Variants in ATG5 observed in about 807,000 individuals in gnomAD.
The protein encoded by ATG5 is autophagy protein 5.
In ATG5, 14 loss-of-function variants were observed where a neutral mutation model predicts 36.5. That is an observed-to-expected ratio of 0.38 (90% CI 0.25 to 0.60). ATG5 has a LOEUF of 0.60. Ranked by LOEUF, ATG5 falls within the 20% of genes least tolerant of loss-of-function variation. The probability of loss-of-function intolerance (pLI) is 0.60; values close to 1 mark genes in which losing one functional copy is unlikely to be tolerated. For missense variants in ATG5, 195 were observed against 326.7 expected (o/e 0.60, Z 3.11); for synonymous variants, 95 against 101.5 (o/e 0.94, Z 0.38).
chr6:106,276,768 ATCC>A (rs1046246259), intron 5 of ATG5, among the ~76,000 whole-genome samples: 1 of 152,142 alleles, frequency 6.6e-6, no homozygotes, highest in African/African-American at 2.4e-5. Flanking sequence ...TCTTTACACG[ATCC>A]TCATCTTTTT....
chr6:106,265,042 C>G (rs566146544), intron 5 of ATG5, among the ~76,000 whole-genome samples: 25 of 152,064 alleles, frequency 1.6e-4, no homozygotes, highest in African/African-American at 5.5e-4. Context: ...AAGACACAGA[C>G]TGGCAAACTG....
chr6:106,259,302 G>C (rs1053362666), intron 5 of ATG5, among the ~76,000 whole-genome samples: 1 of 152,072 alleles, frequency 6.6e-6, no homozygotes, highest in Non-Finnish European at 1.5e-5. Flanking sequence ...TTAGGGATAC[G>C]TGATATACAT....
rs1363090913 is a variant in ATG5, at chr6:106,206,037, CA to C, written c.574-3949del. On this transcript the variant is annotated intron_variant, in intron 6 of 7. Transcript: ENST00000369076. ...TAAGTACCTAAGTCAATCAGGACGA[CA>C]AAAAAATACTCAATTTGGGGAGTTA... Among the ~76,000 whole-genome samples the C allele has an allele frequency of 5.3e-5, 8 of 152,166 alleles. No individual in the cohort carries two copies. The East Asian group carries it at 1.4e-3, about 26-fold the overall frequency.
At chr6:106,296,547 G>A (rs982600954) in intron 3 of ATG5, among the ~76,000 whole-genome samples, 9 of 152,200 alleles carry the variant, frequency 5.9e-5, no homozygotes, top group Non-Finnish European at 1.2e-4. Context: ...GCTGGGCGTG[G>A]TGGCTCACGC....
At chr6:106,293,212 T>A in intron 3 of ATG5, 106 bp from the exon 4 acceptor site, 1 of 850,662 alleles carries the variant, frequency 1.2e-6, no homozygotes, top group Non-Finnish European at 1.9e-6. Flanking sequence ...TCAGGGGCTT[T>A]AATCACAAAT....
intron 6 of ATG5, among the ~76,000 whole-genome samples, chr6:106,202,928 G>A (rs1191920424): frequency 1.3e-5 from 2 of 152,204 alleles, no homozygotes; most frequent in East Asian, 1.9e-4. Context: ...CTCCCAGAGT[G>A]TTAGGGTTAC....
intron 6 of ATG5, among the ~76,000 whole-genome samples, chr6:106,236,062 T>C (rs1450205183): frequency 3.3e-5 from 5 of 152,206 alleles, no homozygotes; most frequent in Non-Finnish European, 7.4e-5. Context: ...CATATTAGTT[T>C]TGTCTGTTCT....
At chr6:106,261,243 A>ATT (rs1318410685) in intron 5 of ATG5, among the ~76,000 whole-genome samples, 1 of 152,238 alleles carries the variant, frequency 6.6e-6, no homozygotes, top group Non-Finnish European at 1.5e-5. Flanking sequence ...CATACTATTG[A>ATT]TTCATTTGTC....
intron 6 of ATG5, among the ~76,000 whole-genome samples, chr6:106,204,712 C>T (rs1776566461): frequency 6.6e-6 from 1 of 152,146 alleles, no homozygotes; most frequent in Non-Finnish European, 1.5e-5. Flanking sequence ...TTCCTGCTGG[C>T]TTGTGAAGGT....
intron 6 of ATG5, among the ~76,000 whole-genome samples, chr6:106,205,224 G>A (rs1004343439): frequency 9.2e-5 from 14 of 152,212 alleles, no homozygotes; most frequent in Admixed American, 2.6e-4. Flanking sequence ...GACAACTGGA[G>A]CTGGTGCAGT....
At chr6:106,189,556 G>T (rs1200552745) in intron 7 of ATG5, among the ~76,000 whole-genome samples, 1 of 151,870 alleles carries the variant, frequency 6.6e-6, no homozygotes, top group Non-Finnish European at 1.5e-5. Flanking sequence ...AGGAGGTCAA[G>T]GCTACAGTGA....
intron 6 of ATG5, among the ~76,000 whole-genome samples, chr6:106,209,460 A>G (rs1582552481): frequency 6.6e-6 from 1 of 152,364 alleles, no homozygotes; most frequent in East Asian, 1.9e-4. Flanking sequence ...CTCCACTGAT[A>G]TAACATTAGT....
chr6:106,235,943 T>C (rs1378327736), intron 6 of ATG5, among the ~76,000 whole-genome samples: 2 of 152,192 alleles, frequency 1.3e-5, no homozygotes, highest in South Asian at 2.1e-4. Context: ...GGCATTTCCA[T>C]CATGCCCTAA....
chr6:106,263,019 G>A (rs1162730013), intron 5 of ATG5, among the ~76,000 whole-genome samples: 1 of 152,190 alleles, frequency 6.6e-6, no homozygotes, highest in Non-Finnish European at 1.5e-5. Flanking sequence ...TGGAAAGGGT[G>A]CTGAAGCCAC....
chr6:106,229,689 G>A (rs539467438), intron 6 of ATG5, among the ~76,000 whole-genome samples: 6 of 152,306 alleles, frequency 3.9e-5, no homozygotes, highest in South Asian at 2.1e-4. Flanking sequence ...AAACAAGGGC[G>A]TAGCCTGAAA....
At chr6:106,195,832 A>G (rs923145948) in intron 7 of ATG5, among the ~76,000 whole-genome samples, 1 of 144,150 alleles carries the variant, frequency 6.9e-6, no homozygotes, top group Non-Finnish European at 1.5e-5. Context: ...AAAAAAAAAA[A>G]CCACAAGGGA....
At chr6:106,218,683 G>A (rs915753060) in intron 6 of ATG5, among the ~76,000 whole-genome samples, 1 of 152,080 alleles carries the variant, frequency 6.6e-6, no homozygotes, top group Non-Finnish European at 1.5e-5. Flanking sequence ...CTAGTGAAGA[G>A]TATGAATGCT....
intron 6 of ATG5, among the ~76,000 whole-genome samples, chr6:106,204,316 C>T (rs941142568): frequency 6.6e-6 from 1 of 152,080 alleles, no homozygotes; most frequent in African/African-American, 2.4e-5. Flanking sequence ...TATGTATTCA[C>T]TGAATACATA....
At chr6:106,215,771 T>A (rs1299429142) in intron 6 of ATG5, among the ~76,000 whole-genome samples, 1 of 152,068 alleles carries the variant, frequency 6.6e-6, no homozygotes, top group Admixed American at 6.5e-5. Flanking sequence ...CTGGACTTCA[T>A]CAAAGTTAAA....
Sources: gnomAD v4.1 joint callset for allele counts (sites outside exome capture counted in the v4.1 genomes callset) on GRCh38, gnomAD v4.1.1 for gene constraint, MANE v1.5 for transcripts, NCBI Gene and HGNC (gene_info 2026-07-23, HGNC 2026-07-21) for gene names.